MAGEA11: variants seen among roughly 807,000 people sequenced by gnomAD.
MAGEA11 encodes melanoma-associated antigen 11.
A neutral mutation model predicts 8.4 loss-of-function variants in MAGEA11; 1 was observed. The observed-to-expected ratio is 0.12, with a 90% confidence interval of 0.04 to 0.57. MAGEA11 has a LOEUF of 0.57. Ranked by LOEUF, MAGEA11 falls within the 20% of genes least tolerant of loss-of-function variation. The pLI is 0.91. For missense variants in MAGEA11, 209 were observed against 317.3 expected (o/e 0.66, Z 2.59); for synonymous variants, 127 against 119.3 (o/e 1.06, Z -0.42).
chrX:149,692,555 G>A (rs1557360234), intron 1 of MAGEA11, among the ~76,000 whole-genome samples: 1 of 111,964 alleles, frequency 8.9e-6, no homozygotes, highest in Non-Finnish European at 1.9e-5. Context: ...TAAAGTTTCA[G>A]TTTGTTTACA....
intron 1 of MAGEA11, among the ~76,000 whole-genome samples, chrX:149,703,009 G>T (rs1239245689): frequency 3.6e-5 from 4 of 111,309 alleles, no homozygotes; most frequent in African/African-American, 1.3e-4. Flanking sequence ...TAAGAGGCTG[G>T]AATGTCCAGG....
chrX:149,701,616 G>C (rs2090353808), intron 1 of MAGEA11, among the ~76,000 whole-genome samples: 1 of 110,048 alleles, frequency 9.1e-6, no homozygotes, highest in South Asian at 4.0e-4. Context: ...ATTGCTTTTG[G>C]TGTTTTAGAC....
At chrX:149,713,033 C>A in intron 1 of MAGEA11, 110 bp from the exon 2 acceptor site, 1 of 491,994 alleles carries the variant, frequency 2.0e-6, no homozygotes, top group Non-Finnish European at 3.5e-6. Context: ...AGGGCTCAGT[C>A]CCTGCTGGGA....
At position 149,717,233 on chromosome X, in the gene MAGEA11, T is replaced by C. The variant is rs1202663637; in HGVS notation, c.*457T>C. On this transcript the variant is annotated 3_prime_UTR_variant, in exon 5 of 5. Transcript: ENST00000355220. Reference sequence around the variant, plus strand: ...ACTTAACAATAAAGCTGAACTGGTGTTGTGAAACAGAGAAATAAAAGGAGA... The same window carrying C: ...ACTTAACAATAAAGCTGAACTGGTGCTGTGAAACAGAGAAATAAAAGGAGA... 1 of 115,843 alleles carries C rather than the reference T, an allele frequency of 8.6e-6. No homozygotes were observed. Among genetic ancestry groups the C allele is most frequent in the East Asian group, 2.7e-4 (1 of 3,683 alleles). The allele number at this position is 115,843 out of a possible 1,213,427, so 9.5% of individuals were successfully genotyped here.
At chrX:149,692,392 G>A (rs1375321488) in intron 1 of MAGEA11, among the ~76,000 whole-genome samples, 3 of 109,379 alleles carry the variant, frequency 2.7e-5, no homozygotes, top group Non-Finnish European at 5.7e-5. Flanking sequence ...GGGCACCAGA[G>A]TGAGACCCTG....
chrX:149,691,161 C>T (rs5940684), intron 1 of MAGEA11, among the ~76,000 whole-genome samples: 26,083 of 109,385 alleles, frequency 0.24, 2,850 homozygotes, highest in East Asian at 0.68. Context: ...TATTGTTTTG[C>T]GATTTTTTTT....
At chrX:149,714,397 A>G (rs1160875484) in intron 2 of MAGEA11, 84 bp from the exon 3 acceptor site, 1 of 1,156,233 alleles carries the variant, frequency 8.6e-7, no homozygotes, top group East Asian at 3.1e-5. Context: ...CGAAGGGTCC[A>G]GCCTCTGCTG....
chrX:149,697,932 C>T lies in MAGEA11; in HGVS notation c.9+8948C>T, dbSNP rs149255612. ...CTTCGCACTGCACTTTTCTTTCCTG[C>T]CACCTTGTGAAGACGGACATGTTTG... On this transcript the variant is annotated intron_variant, in intron 1 of 3. Transcript: ENST00000333104. Among the ~76,000 whole-genome samples the T allele has an allele frequency of 4.6e-3, 511 of 111,933 alleles. 6 individuals are homozygous for T. The highest frequency in any genetic ancestry group is 0.016 in the African/African-American group (491 of 30,780).
intron 1 of MAGEA11, among the ~76,000 whole-genome samples, chrX:149,702,266 G>T (rs2090357621): frequency 9.0e-6 from 1 of 111,074 alleles, no homozygotes; most frequent in African/African-American, 3.3e-5. Context: ...TGAAATTAGG[G>T]TTTAAAGTCT....
upstream of MAGEA11, chrX:149,712,043 G>A: frequency 2.7e-6 from 2 of 752,722 alleles, no homozygotes; most frequent in Non-Finnish European, 3.1e-6. Context: ...CAGGCGTGGG[G>A]GCCGGATGTG....
At chrX:149,704,891 G>A (rs147599878) in intron 1 of MAGEA11, among the ~76,000 whole-genome samples, 51 of 112,876 alleles carry the variant, frequency 4.5e-4, no homozygotes, top group African/African-American at 1.6e-3. Context: ...AGGACGGAGC[G>A]CAGTGCTCAT....
chrX:149,694,223 CTAT>C (rs1313201807), intron 1 of MAGEA11, among the ~76,000 whole-genome samples: 19 of 112,041 alleles, frequency 1.7e-4, no homozygotes, highest in African/African-American at 5.8e-4. Context: ...CTTAGAGATA[CTAT>C]TATTGTCTGT....
chrX:149,712,752 C>G (rs1557362031), intron 1 of MAGEA11, among the ~76,000 whole-genome samples: 1 of 112,312 alleles, frequency 8.9e-6, no homozygotes, highest in African/African-American at 3.2e-5. Flanking sequence ...CTTCTGCCCC[C>G]CGCCGCTTAA....
chrX:149,697,756 G>T (rs1295493267), intron 1 of MAGEA11, among the ~76,000 whole-genome samples: 3 of 111,790 alleles, frequency 2.7e-5, no homozygotes, highest in African/African-American at 9.8e-5. Context: ...GCTAAAAGGG[G>T]CCAATGTACT....
At chrX:149,694,824 T>A (rs1171318422) in intron 1 of MAGEA11, among the ~76,000 whole-genome samples, 1 of 110,598 alleles carries the variant, frequency 9.0e-6, no homozygotes, top group Non-Finnish European at 1.9e-5. Context: ...CAGGTTCAAG[T>A]GATTCTCCTG....
At chrX:149,689,895 T>C (rs1279218544) in intron 1 of MAGEA11, among the ~76,000 whole-genome samples, 3 of 112,164 alleles carry the variant, frequency 2.7e-5, no homozygotes, top group African/African-American at 9.7e-5. Context: ...TCTACATATT[T>C]ATCTATTCTC....
intron 1 of MAGEA11, 49 bp from the exon 2 acceptor site, chrX:149,713,094 C>G (rs1290551511): frequency 1.3e-6 from 1 of 750,235 alleles, no homozygotes; most frequent in African/African-American, 2.3e-5. Flanking sequence ...CCCAGAACAG[C>G]CCCCCCCCAT....
chrX:149,688,295 C>T (rs1417454991), upstream of MAGEA11: 2 of 111,927 alleles, frequency 1.8e-5, no homozygotes, highest in Non-Finnish European at 3.8e-5. Flanking sequence ...CAAGGTAGGT[C>T]AGAGAATTTC....
intron 1 of MAGEA11, among the ~76,000 whole-genome samples, chrX:149,705,078 G>A (rs1557361338): frequency 8.9e-6 from 1 of 112,564 alleles, no homozygotes; most frequent in Non-Finnish European, 1.9e-5. Context: ...CCTATGTTCA[G>A]CTCCAGCCCT....
Sources: allele counts gnomAD v4.1 joint callset (sites outside exome capture counted in the v4.1 genomes callset), GRCh38; gene constraint gnomAD v4.1.1; transcripts MANE v1.5; gene names NCBI Gene and HGNC (gene_info 2026-07-23, HGNC 2026-07-21).